The following SIGLEC1 variants were observed in gnomAD, a reference collection of about 807,000 sequenced individuals.
The protein encoded by SIGLEC1 is sialoadhesin.
SIGLEC1 carries 132 observed loss-of-function variants against 148.0 expected under a neutral mutation model. The observed-to-expected ratio is 0.89, with a 90% CI of 0.77 to 1.03. The LOEUF is 1.03. Among genes scored for constraint, SIGLEC1 ranks in the 50% least tolerant of loss-of-function variants. The probability of loss-of-function intolerance (pLI) is 0.00; values close to 1 mark genes in which losing one functional copy is unlikely to be tolerated. For synonymous variants in SIGLEC1, 945 were observed against 969.0 expected, an observed-to-expected ratio of 0.98 and a Z score of 0.46; for missense variants, 2,253 against 2,271.4, an observed-to-expected ratio of 0.99 and a Z score of 0.16.
chr20:3,706,097 G>A (rs1298260987), intron 3 of SIGLEC1, 57 bp from the exon 4 acceptor site: 24 of 1,552,326 alleles, frequency 1.5e-5, no homozygotes, highest in Admixed American at 6.9e-5. Context: ...GAGATCCCTC[G>A]CCCTGGAAAC....
intron 21 of SIGLEC1, chr20:3,688,912 C>T: frequency 1.7e-6 from 1 of 600,032 alleles, no homozygotes; most frequent in Non-Finnish European, 3.0e-6. Context: ...GGAGGGGATG[C>T]TGCCAAGTCC....
In SIGLEC1 at chr20:3,694,435, C is replaced by A. The variant is rs1292814085; in HGVS notation, c.3042G>T (p.Gln1014His). ...GGCGATCCCCGTGGAGCAGCCGCAGCTGGGCCGGAGGGTCACTGTCCACAC... is the reference window on the plus strand; with the variant it reads ...GGCGATCCCCGTGGAGCAGCCGCAGATGGGCCGGAGGGTCACTGTCCACAC... The part of the protein sequence containing the change: ...LCRVDSDPPA[Q>H]LRLLHGDRLV... Residue 1014 changes from glutamine to histidine, a missense_variant, in exon 13 of 22, where the codon CAG (glutamine) becomes CAT (histidine). Gln to His is a conservative substitution (Grantham distance 24, BLOSUM62 0). Transcript: ENST00000344754. 3.1e-6 allele frequency: 5 copies of A among 1,611,178 alleles called. No individual in the cohort carries two copies. Among genetic ancestry groups the A allele is most frequent in the Non-Finnish European group, 4.2e-6 (5 of 1,178,356 alleles).
At position 3,697,988 on chromosome 20, in the gene SIGLEC1, G is replaced by A. The variant is rs758094077; in HGVS notation, c.1932C>T (p.Ala644=). The change falls in exon 9 of 22, where the codon GCC becomes GCT. Residue 644 remains alanine, a synonymous_variant. Coordinates refer to ENST00000344754, the MANE Select transcript of SIGLEC1 (RefSeq NM_023068.4). ...LQLLHKDRVV[A]TSLPSGGGCS... ...AGCCACCCCCTGATGGCAGGGAAGTGGCCACAACACGGTCCTTGTGGAGCA... is the reference window on the plus strand; with the variant it reads ...AGCCACCCCCTGATGGCAGGGAAGTAGCCACAACACGGTCCTTGTGGAGCA... 3.7e-6 allele frequency: 6 copies of A among 1,611,814 alleles called. No individual in the cohort carries two copies. Among genetic ancestry groups the A allele is most frequent in the Non-Finnish European group, 5.1e-6 (6 of 1,179,274 alleles).
chr20:3,701,757 G>C (rs897898714), intron 6 of SIGLEC1, 116 bp from the exon 7 acceptor site: 3 of 1,024,220 alleles, frequency 2.9e-6, no homozygotes, highest in Non-Finnish European at 4.0e-6. Context: ...TGAGAAGGGG[G>C]TGATCCCAAA....
Position 3,696,714 on chromosome 20 carries a change from GC to G in SIGLEC1, c.2554del (p.Ala852LeufsTer8). On this transcript the variant is annotated frameshift_variant, in exon 11 of 22. Transcript: ENST00000344754. LOFTEE classifies it high-confidence loss of function. ...PQVPSHGRFQ[A>X]KAEANSLKLE... ...CTTCAGGGAGTTGGCCTCAGCTTTA[GC>G]CTGGAACCGACCATGGGATGGGACC... 6.2e-7 allele frequency: 1 copy of G among 1,613,696 alleles called. No individual in the cohort carries two copies. The highest frequency in any genetic ancestry group is 8.5e-7 in the Non-Finnish European group (1 of 1,180,032).
rs200631809 is a variant in SIGLEC1 at position 3,690,824 on chromosome 20, C to CTTTTTTTTTTTTTTTT, written c.4591+515_4591+516insAAAAAAAAAAAAAAAA. On this transcript the variant is annotated intron_variant, in intron 18 of 21. Coordinates refer to ENST00000344754, the MANE Select transcript of SIGLEC1 (RefSeq NM_023068.4). Reference sequence around the variant, plus strand: ...TTCTTTTGGTTTTTTCTCTTCTTTTCTTTTCTTTTTTTTTTTTTTTTCTTG... The same window carrying CTTTTTTTTTTTTTTTT: ...TTCTTTTGGTTTTTTCTCTTCTTTTCTTTTTTTTTTTTTTTTTTTTCTTTTTTTTTTTTTTTTCTTG... Among the ~76,000 whole-genome samples, 42 of 126,868 alleles carry CTTTTTTTTTTTTTTTT rather than the reference C, an allele frequency of 3.3e-4. 3 individuals carry two copies. The highest frequency in any genetic ancestry group is 1.3e-3 in the African/African-American group (40 of 29,906). The allele number at this position is 126,868 out of a possible 152,430, so 83.2% of individuals were successfully genotyped here.
chr20:3,707,500 A>T lies in SIGLEC1; in HGVS notation c.-109-263T>A, dbSNP rs3810564. On this transcript the variant is annotated intron_variant, in intron 1 of 21. Transcript: ENST00000344754. ...GAACAGCTGTTTCTCCCTCTTCCCCACTTCCCTGCCCCCTCCCCACCACCC... is the reference window on the plus strand; with the variant it reads ...GAACAGCTGTTTCTCCCTCTTCCCCTCTTCCCTGCCCCCTCCCCACCACCC... Among the ~76,000 whole-genome samples the T allele has an allele frequency of 2.4e-3, 361 of 151,490 alleles. 19 individuals carry two copies. The East Asian group carries it at 0.064, about 27-fold the overall frequency.
chr20:3,698,258 A>AC, intron 8 of SIGLEC1, 125 bp from the exon 9 acceptor site: 1 of 829,372 alleles, frequency 1.2e-6, no homozygotes, highest in East Asian at 2.8e-5. Context: ...AGCTGTGCAG[A>AC]CTGTGCACTG....
intron 1 of SIGLEC1, among the ~76,000 whole-genome samples, 51 bp downstream of exon 1, chr20:3,712,419 C>T (rs992736578): frequency 1.3e-5 from 2 of 151,918 alleles, no homozygotes; most frequent in East Asian, 1.9e-4. Flanking sequence ...CCCAGCCCCG[C>T]TCCTAATGCT....
chr20:3,694,212 C>CAA lies in SIGLEC1; in HGVS notation c.3256+8_3256+9insTT, dbSNP rs1160108311. 1 of 1,597,306 alleles carries CAA rather than the reference C, an allele frequency of 6.3e-7. No homozygotes were observed. Among genetic ancestry groups the CAA allele is most frequent in the Non-Finnish European group, 8.5e-7 (1 of 1,173,584 alleles). Reference sequence around the variant, plus strand: ...ACACACACACACACACACACACACACACACTGACCTTGAGCGTCGAAGTCA... The same window carrying CAA: ...ACACACACACACACACACACACACACAAACACTGACCTTGAGCGTCGAAGTCA... On this transcript the variant is annotated intron_variant, in intron 13 of 21. Transcript: ENST00000344754.
intron 11 of SIGLEC1, among the ~76,000 whole-genome samples, chr20:3,695,422 G>C (rs2088812341): frequency 6.6e-6 from 1 of 152,220 alleles, no homozygotes; most frequent in Non-Finnish European, 1.5e-5. Flanking sequence ...CGCCAGGCCA[G>C]CCCTGCATCC....
At position 3,703,375 on chromosome 20, in the gene SIGLEC1, A is replaced by T. The variant is rs611847; in HGVS notation, c.1050T>A (p.Asn350Lys). ...QTVTLVCNTP[N>K]EAPSDLRYSW... is the part of the protein sequence containing the mutation. ...TGTAGCGGAGATCACTGGGTGCCTC[A>T]TTGGGTGTGTTGCAGACTAGTGTCA... The change falls in exon 6 of 22, where the codon AAT becomes AAA. Residue 350 changes from asparagine (N) to lysine (K), a missense_variant. Asn to Lys is a moderately conservative substitution (Grantham distance 94). Transcript: ENST00000344754. 10 of 1,612,442 alleles carry T rather than the reference A, an allele frequency of 6.2e-6. No individual in the cohort carries two copies. The highest frequency in any genetic ancestry group is 8.5e-6 in the Non-Finnish European group (10 of 1,179,076).
At chr20:3,692,369 T>C in intron 16 of SIGLEC1, 152 bp downstream of exon 16, 1 of 1,150,508 alleles carries the variant, frequency 8.7e-7, no homozygotes, top group Non-Finnish European at 1.2e-6. Context: ...GCAGGGCTTA[T>C]AGGACTGTCT....
chr20:3,705,709 G>A (rs772778619), intron 4 of SIGLEC1, 35 bp downstream of exon 4: 11 of 1,566,328 alleles, frequency 7.0e-6, no homozygotes, highest in East Asian at 4.5e-5. Context: ...CAACAGATGC[G>A]CTCAGCCACA....
chr20:3,697,803 C>T lies in SIGLEC1; in HGVS notation c.2117G>A (p.Gly706Asp), dbSNP rs1287701999. Reference sequence around the variant, plus strand: ...CCATTCCCTGCCTGACTCACCCTGGCCATTGAAGGTGGCTGAGGTGGAGGC... The same window carrying T: ...CCATTCCCTGCCTGACTCACCCTGGTCATTGAAGGTGGCTGAGGTGGAGGC... ...GNASTSATFNGQATVLAIAPS... is the reference protein window; with the variant it reads ...GNASTSATFNDQATVLAIAPS... The change falls in exon 9 of 22, where the codon GGC becomes GAC. Residue 706 changes from glycine to aspartate, a missense_variant. Physicochemically the swap from Gly to Asp is moderately conservative, Grantham distance 94. Coordinates refer to ENST00000344754, the MANE Select transcript of SIGLEC1 (RefSeq NM_023068.4). 1.2e-6 allele frequency: 2 copies of T among 1,612,630 alleles called. No homozygotes were observed. The highest frequency in any genetic ancestry group is 1.7e-5 in the Admixed American group (1 of 59,976).
In SIGLEC1 at chr20:3,707,113, T is replaced by C. The variant is rs777413345; in HGVS notation, c.16A>G (p.Lys6Glu). The change falls in exon 2 of 22, where the codon AAG (lysine) becomes GAG (glutamate). Residue 6 changes from lysine (K) to glutamate (E), a missense_variant. Coordinates refer to ENST00000344754, the MANE Select transcript of SIGLEC1 (RefSeq NM_023068.4). MGFLPKLLLLASFFPA... is the reference protein window; with the variant it reads MGFLPELLLLASFFPA... ...AAGAATGAGGCCAGGAGGAGAAGCT[T>C]GGGCAAGAAGCCCATAGCAGGTTCT... The C allele has an allele frequency of 1.2e-6, 2 of 1,613,972 alleles. No individual in the cohort carries two copies. Among genetic ancestry groups the C allele is most frequent in the East Asian group, 2.2e-5 (1 of 44,890 alleles).
At chr20:3,691,856 G>A (rs1387061954) in intron 17 of SIGLEC1, 47 bp downstream of exon 17, 1 of 1,533,498 alleles carries the variant, frequency 6.5e-7, no homozygotes, top group Non-Finnish European at 8.8e-7. Context: ...CGTGGACTTG[G>A]ACCTGAGAGC....
rs568650816 is a variant in SIGLEC1 at position 3,710,686 on chromosome 20, G to C, written c.-110+1784C>G. Among the ~76,000 whole-genome samples, 1 of 152,222 alleles carries C rather than the reference G, an allele frequency of 6.6e-6. No homozygotes were observed. The highest frequency in any genetic ancestry group is 1.5e-5 in the Non-Finnish European group (1 of 68,036). Reference sequence around the variant, plus strand: ...GCAGCTATCTTGTCCCAGCTCCCCTGTTCCTCCCATTTGGGGTCCTGAAAA... The same window carrying C: ...GCAGCTATCTTGTCCCAGCTCCCCTCTTCCTCCCATTTGGGGTCCTGAAAA... On this transcript the variant is annotated intron_variant, in intron 1 of 21. Coordinates refer to ENST00000344754, the MANE Select transcript of SIGLEC1 (RefSeq NM_023068.4). The surrounding 1 kb of genome is among the most constrained non-coding windows in gnomAD (Gnocchi z 4.6).
chr20:3,705,866 C>G lies in SIGLEC1; in HGVS notation c.584G>C (p.Gly195Ala), dbSNP rs2087889031. 6.2e-7 allele frequency: 1 copy of G among 1,614,178 alleles called. No individual in the cohort carries two copies. The highest frequency in any genetic ancestry group is 1.7e-5 in the Admixed American group (1 of 60,036). ...GTGGAGGGTCTCCAGGTGGCCGACG[C>G]CGGTGGGCTCAAACTTCTGGCTGTT... The part of the protein sequence containing the change: ...TFNSQKFEPT[G>A]VGHLETLHMA... Residue 195 changes from glycine to alanine, a missense_variant, in exon 4 of 22, where the codon GGC (glycine) becomes GCC (alanine). Physicochemically the swap from Gly to Ala is moderately conservative, Grantham distance 60. Transcript: ENST00000344754.
Sources: gnomAD v4.1 joint callset for allele counts (sites outside exome capture counted in the v4.1 genomes callset) on GRCh38, gnomAD v4.1.1 for gene constraint, Gnocchi (gnomAD v3.1) non-coding constraint, MANE v1.5 for transcripts, NCBI Gene and HGNC (gene_info 2026-07-23, HGNC 2026-07-21) for gene names.